The following PCDH15 variants were observed in gnomAD, a reference collection of about 807,000 sequenced individuals.
The protein encoded by PCDH15 is protocadherin related 15.
Under a neutral mutation model 178.5 loss-of-function variants are expected in PCDH15, and 129 were observed. The observed-to-expected ratio is 0.72, with a 90% CI of 0.63 to 0.84. The LOEUF (loss-of-function observed/expected upper bound fraction) is 0.84. Among genes scored for constraint, PCDH15 ranks in the 40% least tolerant of loss-of-function variants. The pLI is 0.00. For missense variants in PCDH15, 2,230 were observed against 2,099.9 expected, an observed-to-expected ratio of 1.06 and a Z score of -1.21; for synonymous variants, 800 against 732.0, an observed-to-expected ratio of 1.09 and a Z score of -1.50.
At chr10:55,344,069 G>A (rs182881979) in intron 2 of PCDH15, among the ~76,000 whole-genome samples, 10 of 152,158 alleles carry the variant, frequency 6.6e-5, no homozygotes, top group Middle Eastern at 3.4e-3. Context: ...TTAAGGAAGT[G>A]AGCAAACAAG....
chr10:54,524,640 G>A (rs1009005682), intron 3 of PCDH15, among the ~76,000 whole-genome samples: 8 of 152,228 alleles, frequency 5.3e-5, no homozygotes, highest in Admixed American at 1.3e-4. Flanking sequence ...GTTCAGAAAG[G>A]TATTTTAGAC....
intron 3 of PCDH15, among the ~76,000 whole-genome samples, chr10:54,444,175 GA>G (rs1203719112): frequency 1.3e-5 from 2 of 151,634 alleles, no homozygotes; most frequent in African/African-American, 4.8e-5. Context: ...ATTGGTATCT[GA>G]AAAAAATCTT....
intron 1 of PCDH15, among the ~76,000 whole-genome samples, chr10:54,718,999 C>A (rs964496803): frequency 7.9e-5 from 12 of 152,032 alleles, no homozygotes; most frequent in African/African-American, 2.9e-4. Context: ...CCGGTCCACA[C>A]TGATTCTTTA....
At chr10:55,422,077 T>G (rs1838635126) in intron 2 of PCDH15, among the ~76,000 whole-genome samples, 1 of 151,760 alleles carries the variant, frequency 6.6e-6, no homozygotes, top group African/African-American at 2.4e-5. Flanking sequence ...ACAATATGCA[T>G]TACTCCAAAA....
At chr10:54,383,627 TTTTG>T (rs1221307444) in intron 3 of PCDH15, among the ~76,000 whole-genome samples, 6 of 104,798 alleles carry the variant, frequency 5.7e-5, no homozygotes, top group African/African-American at 2.7e-4. Flanking sequence ...GTATGTGTGT[TTTTG>T]TGTGTGTGTG....
At chr10:54,702,981 C>G (rs1000366454) in intron 1 of PCDH15, among the ~76,000 whole-genome samples, 2 of 151,642 alleles carry the variant, frequency 1.3e-5, no homozygotes, top group African/African-American at 2.4e-5. Flanking sequence ...AACAAACAAA[C>G]AAAAACTAGC....
chr10:55,463,865 G>A (rs963176003), intron 2 of PCDH15, among the ~76,000 whole-genome samples: 3 of 128,194 alleles, frequency 2.3e-5, no homozygotes, highest in African/African-American at 8.6e-5. Flanking sequence ...AGAATGAGAC[G>A]AAAGAAAGAG....
intron 8 of PCDH15, among the ~76,000 whole-genome samples, chr10:54,261,143 T>TA (rs1309335826): frequency 1.3e-5 from 2 of 152,132 alleles, no homozygotes; most frequent in African/African-American, 2.4e-5. Flanking sequence ...GATAAAGACA[T>TA]AAAAATGAAG....
At chr10:54,694,892 G>C (rs1021638221) in intron 1 of PCDH15, among the ~76,000 whole-genome samples, 1 of 152,090 alleles carries the variant, frequency 6.6e-6, no homozygotes, top group Non-Finnish European at 1.5e-5. Flanking sequence ...AATAAGCTTA[G>C]TGAGAAAGGC....
chr10:53,892,021 T>TA (rs2081593802), intron 26 of PCDH15, among the ~76,000 whole-genome samples: 1 of 41,712 alleles, frequency 2.4e-5, no homozygotes, highest in Non-Finnish European at 4.8e-5. Flanking sequence ...TACATCTATG[T>TA]TTTTTTTTTT....
intron 1 of PCDH15, among the ~76,000 whole-genome samples, chr10:54,743,703 C>A (rs998054913): frequency 2.0e-5 from 3 of 151,826 alleles, no homozygotes; most frequent in African/African-American, 7.3e-5. Context: ...TAGTAGCATC[C>A]TTAACATGAC....
In PCDH15 at chr10:54,319,118, A is replaced by T. The variant is rs113969258; in HGVS notation, c.706-1677T>A. ...TGGTAGCATCATTCATTATGACAGA[A>T]TCTGGAAATGTTTTTACTTTCACAG... On this transcript the variant is annotated intron_variant, in intron 7 of 37. Transcript: ENST00000644397. 1.7e-3 allele frequency among the ~76,000 whole-genome samples: 264 copies of T among 152,318 alleles called. 2 individuals are homozygous for T. Among genetic ancestry groups the T allele is most frequent in the Middle Eastern group, 6.8e-3 (2 of 294 alleles).
intron 2 of PCDH15, among the ~76,000 whole-genome samples, chr10:55,570,256 A>C (rs1157858040): frequency 7.9e-5 from 12 of 152,060 alleles, no homozygotes; most frequent in African/African-American, 2.9e-4. Flanking sequence ...GCCAACAAGA[A>C]GTAGAAAGAC....
intron 2 of PCDH15, among the ~76,000 whole-genome samples, chr10:55,015,244 A>T (rs866736319): frequency 4.1e-4 from 63 of 152,036 alleles, no homozygotes; most frequent in African/African-American, 1.5e-3. Context: ...TTGTAATATA[A>T]ATTTAAAATC....
At chr10:55,498,255 G>T (rs192943206) in intron 2 of PCDH15, among the ~76,000 whole-genome samples, 2 of 151,886 alleles carry the variant, frequency 1.3e-5, no homozygotes, top group East Asian at 3.9e-4. Flanking sequence ...GTCTACAAAG[G>T]CATGGGGTAT....
intron 18 of PCDH15, among the ~76,000 whole-genome samples, chr10:54,048,834 C>T (rs1196793540): frequency 1.3e-5 from 2 of 150,498 alleles, no homozygotes; most frequent in African/African-American, 4.9e-5. Flanking sequence ...CTTAAGATCG[C>T]TTTGGCTATT....
At chr10:55,386,075 A>G (rs1211662620) in intron 2 of PCDH15, among the ~76,000 whole-genome samples, 1 of 151,928 alleles carries the variant, frequency 6.6e-6, no homozygotes. Flanking sequence ...CCATAAGTCA[A>G]ATAAAATAAA....
At chr10:54,559,633 TA>T (rs1478195117) in intron 2 of PCDH15, among the ~76,000 whole-genome samples, 3 of 151,856 alleles carry the variant, frequency 2.0e-5, no homozygotes, top group East Asian at 1.9e-4. Flanking sequence ...TTGCAATGAC[TA>T]AAAAAATGTT....
chr10:53,937,381 A>G (rs2085669444), intron 25 of PCDH15, among the ~76,000 whole-genome samples: 1 of 152,204 alleles, frequency 6.6e-6, no homozygotes, highest in Admixed American at 6.5e-5. Flanking sequence ...AATAGGTTAC[A>G]TTATATAATT....
Sources: allele counts gnomAD v4.1 joint callset (sites outside exome capture counted in the v4.1 genomes callset), GRCh38; gene constraint gnomAD v4.1.1; transcripts MANE v1.5; gene names NCBI Gene and HGNC (gene_info 2026-07-23, HGNC 2026-07-21).